Variants in SLC24A1 observed in about 807,000 individuals in gnomAD.
SLC24A1 encodes sodium/potassium/calcium exchanger 1.
SLC24A1 carries 52 observed loss-of-function variants against 88.1 expected under a neutral mutation model. The observed-to-expected ratio is 0.59, with a 90% CI of 0.47 to 0.74. SLC24A1 has a LOEUF of 0.74. Among genes scored for constraint, SLC24A1 ranks in the 30% least tolerant of loss-of-function variants. The pLI, the probability that SLC24A1 is intolerant of heterozygous loss-of-function variation, is 0.00. For synonymous variants in SLC24A1, 455 were observed against 498.0 expected, an observed-to-expected ratio of 0.91 and a Z score of 1.15; for missense variants, 1,173 against 1,363.3, an observed-to-expected ratio of 0.86 and a Z score of 2.20.
At chr15:65,641,906 GA>G (rs1260976756) in intron 4 of SLC24A1, among the ~76,000 whole-genome samples, 1 of 152,272 alleles carries the variant, frequency 6.6e-6, no homozygotes, top group African/African-American at 2.4e-5. Flanking sequence ...GGTCAGAGGA[GA>G]TTGATGCTAA....
At chr15:65,658,953 C>A (rs1007446823), downstream of SLC24A1, among the ~76,000 whole-genome samples, 2 of 151,836 alleles carry the variant, frequency 1.3e-5, no homozygotes, top group Non-Finnish European at 2.9e-5. Flanking sequence ...TAGAGCAAAA[C>A]AGAAATCCAA....
Position 65,625,077 on chromosome 15 carries a change from C to G in SLC24A1, c.997C>G (p.Pro333Ala). Residue 333 changes from proline to alanine, a missense_variant, in exon 2 of 10, where the codon CCA (proline) becomes GCA (alanine). Coordinates refer to ENST00000261892, the MANE Select transcript of SLC24A1 (RefSeq NM_004727.3). The part of the protein sequence containing the change: ...VTISTMTGSS[P>A]AETKAFTAAW... ...AATAAGCACCATGACAGGCAGCAGC[C>G]CAGCAGAAACCAAAGCCTTCACTGC... 1.2e-6 allele frequency: 2 copies of G among 1,613,682 alleles called. No individual in the cohort carries two copies. Among genetic ancestry groups the G allele is most frequent in the Non-Finnish European group, 1.7e-6 (2 of 1,179,876 alleles).
chr15:65,640,136 T>C (rs2075076024), intron 4 of SLC24A1, among the ~76,000 whole-genome samples: 1 of 152,144 alleles, frequency 6.6e-6, no homozygotes, highest in Non-Finnish European at 1.5e-5. Flanking sequence ...CCTGGGCTGC[T>C]TCTGGGGACG....
intron 2 of SLC24A1, among the ~76,000 whole-genome samples, chr15:65,613,117 A>G (rs545559923): frequency 6.6e-6 from 1 of 152,310 alleles, no homozygotes; most frequent in Non-Finnish European, 1.5e-5. Flanking sequence ...TCTTTTCCCC[A>G]CTCAAACGAC....
chr15:65,635,363 C>A (rs544891053), intron 2 of SLC24A1, among the ~76,000 whole-genome samples: 148 of 147,468 alleles, frequency 1.0e-3, no homozygotes, highest in Non-Finnish European at 1.7e-3. Context: ...ACCTGTAGTC[C>A]CAGCTACTCG....
At position 65,625,362 on chromosome 15, in the gene SLC24A1, C is replaced by T. The variant is rs1328795362; in HGVS notation, c.1282C>T (p.Pro428Ser). 6.2e-7 allele frequency: 1 copy of T among 1,614,052 alleles called. No homozygotes were observed. Among genetic ancestry groups the T allele is most frequent in the Non-Finnish European group, 8.5e-7 (1 of 1,179,890 alleles). Reference sequence around the variant, plus strand: ...GCTCAGTCCTAGTCCCTCAGTGCTGCCTCCCAGCTTGCCAGACCTCCACCC... The same window carrying T: ...GCTCAGTCCTAGTCCCTCAGTGCTGTCTCCCAGCTTGCCAGACCTCCACCC... Reference protein sequence around the residue: ...EELSPSPSVLPPSLPDLHPKG... With the variant: ...EELSPSPSVLSPSLPDLHPKG... Residue 428 changes from proline to serine, a missense_variant, in exon 2 of 10, where the codon CCT becomes TCT. Physicochemically the swap from Pro to Ser is moderately conservative, Grantham distance 74. Coordinates refer to ENST00000261892, the MANE Select transcript of SLC24A1 (RefSeq NM_004727.3).
Position 65,645,705 on chromosome 15 carries a change from T to G in SLC24A1, c.2232+2T>G. 1 of 1,565,074 alleles carries G rather than the reference T, an allele frequency of 6.4e-7. No homozygotes were observed. Among genetic ancestry groups the G allele is most frequent in the Non-Finnish European group, 8.7e-7 (1 of 1,154,204 alleles). On this transcript the variant is annotated splice_donor_variant, in intron 6 of 9. Transcript: ENST00000261892. LOFTEE classifies it high-confidence loss of function. ...CAGAAGGAGAATCCAGGCGGTCAGG[T>G]AGGCACCCAGCCTTGGCACAGACAA...
rs759402955 is a variant in SLC24A1 at position 65,624,971 on chromosome 15, G to A, written c.891G>A (p.Gly297=). 9 of 1,608,660 alleles carry A rather than the reference G, an allele frequency of 5.6e-6. No homozygotes were observed. Among genetic ancestry groups the A allele is most frequent in the Non-Finnish European group, 7.6e-6 (9 of 1,177,318 alleles). Residue 297 remains glycine, a synonymous_variant, in exon 2 of 10, where the codon GGG becomes GGA. Transcript: ENST00000261892. The part of the protein sequence containing the change: ...VESNSSAHPW[G]LVGKSNPKTP... ...GTAACAGCTCAGCCCATCCCTGGGG[G>A]TTAGTGGGAAAGAGCAACCCGAAGA...
In SLC24A1 at chr15:65,645,785, GTCTGAA is replaced by G. The variant is rs1020182465; in HGVS notation, c.2232+83_2232+88del. 1.0e-5 allele frequency: 9 copies of G among 889,684 alleles called. No homozygotes were observed. In the Admixed American group the frequency reaches 1.9e-4, roughly 19 times the overall value. The allele number at this position is 889,684 out of a possible 1,614,324, so 55.1% of individuals were successfully genotyped here. A position where few individuals can be genotyped will look rare whatever the true frequency, so the allele number is the denominator to read the frequency against. On this transcript the variant is annotated intron_variant, in intron 6 of 9. Coordinates refer to ENST00000261892, the MANE Select transcript of SLC24A1 (RefSeq NM_004727.3). ...GACCAAAAATACATCCTCCCTGAAG[GTCTGAA>G]ATCCTATTTGAGGTTCATTCCTCTG...
At chr15:65,638,646 G>T (rs1005681336) in intron 3 of SLC24A1, among the ~76,000 whole-genome samples, 1 of 152,174 alleles carries the variant, frequency 6.6e-6, no homozygotes, top group Non-Finnish European at 1.5e-5. Flanking sequence ...TGTCTTAGCT[G>T]TTTATAGTCT....
chr15:65,639,691 C>T lies in SLC24A1; in HGVS notation c.2041C>T (p.Pro681Ser). Reference sequence around the variant, plus strand: ...CCAGCTCATGCTCCACAGCCTGGACCCCCTGAGGGAAGGTAAGCAAGGCCT... The same window carrying T: ...CCAGCTCATGCTCCACAGCCTGGACTCCCTGAGGGAAGGTAAGCAAGGCCT... ...IYQLMLHSLDPLREVRLAKEK... is the reference protein window; with the variant it reads ...IYQLMLHSLDSLREVRLAKEK... Residue 681 changes from proline (P) to serine (S), a missense_variant, in exon 4 of 10, where the codon CCC becomes TCC. Transcript: ENST00000261892. The T allele has an allele frequency of 6.2e-7, 1 of 1,610,558 alleles. No individual in the cohort carries two copies. The highest frequency in any genetic ancestry group is 8.5e-7 in the Non-Finnish European group (1 of 1,178,048).
chr15:65,617,990 C>CAG (rs1409141086), upstream of SLC24A1, among the ~76,000 whole-genome samples: 3 of 152,148 alleles, frequency 2.0e-5, no homozygotes, highest in Non-Finnish European at 2.9e-5. Flanking sequence ...TACAGGAGTG[C>CAG]ACCACTGCAT....
In SLC24A1 at chr15:65,650,518, AAGG is replaced by A. The variant is rs1196477285; in HGVS notation, c.2372_2374del (p.Gly791del). On this transcript the variant is annotated inframe_deletion, in exon 7 of 10. Coordinates refer to ENST00000261892, the MANE Select transcript of SLC24A1 (RefSeq NM_004727.3). This position sits in a 1 kb window ranked among gnomAD's most constrained non-coding sequence, Gnocchi z 4.1. ...GAAGGTGAAACTGAAACACAAGGAA[AAGG>A]AGAAGAATGTGAAGATGAAAATGAA... 3 of 1,551,878 alleles carry A rather than the reference AAGG, an allele frequency of 1.9e-6. No homozygotes were observed. The Admixed American group carries it at 5.9e-5, about 30-fold the overall frequency.
intron 6 of SLC24A1, among the ~76,000 whole-genome samples, chr15:65,647,986 TGCGGTGGCTCACGCCTGTAATCCC>T (rs1170674988): frequency 3.9e-5 from 6 of 152,052 alleles, no homozygotes. Flanking sequence ...CAGGGCCGGG[TGCGGTGGCTCACGCCTGTAATCCC>T]AGCACTTTGG....
Position 65,625,750 on chromosome 15 carries a change from C to G in SLC24A1, c.1670C>G (p.Pro557Arg), listed in dbSNP as rs780024106. 5 of 1,614,012 alleles carry G rather than the reference C, an allele frequency of 3.1e-6. No homozygotes were observed. The East Asian group carries it at 1.1e-4, about 36-fold the overall frequency. Reference sequence around the variant, plus strand: ...GAGATCCTCAACCTCACCTGGTGGCCCTTATTCCGTGATGTCTCCTTCTAC... The same window carrying G: ...GAGATCCTCAACCTCACCTGGTGGCGCTTATTCCGTGATGTCTCCTTCTAC... ...SREILNLTWW[P>R]LFRDVSFYIL... is the part of the protein sequence containing the mutation. Residue 557 changes from proline (P) to arginine (R), a missense_variant, in exon 2 of 10, where the codon CCC becomes CGC. Physicochemically the swap from Pro to Arg is moderately radical, Grantham distance 103. Transcript: ENST00000261892.
chr15:65,638,244 C>A, intron 3 of SLC24A1, 63 bp downstream of exon 3: 1 of 1,166,568 alleles, frequency 8.6e-7, no homozygotes, highest in Non-Finnish European at 1.3e-6. Flanking sequence ...TGATCACAGG[C>A]CCAGGGTATT....
chr15:65,612,082 A>G (rs1405478153), intron 1 of SLC24A1: 13 of 152,362 alleles, frequency 8.5e-5, no homozygotes, highest in African/African-American at 3.1e-4. Flanking sequence ...CCTGTAAGGC[A>G]ACATGGGCTC....
In SLC24A1 at chr15:65,651,882, T is replaced by C. The variant is rs563076503; in HGVS notation, c.2883+123T>C. 25 of 696,458 alleles carry C rather than the reference T, an allele frequency of 3.6e-5. No individual in the cohort carries two copies. In the East Asian group the frequency reaches 6.7e-4, roughly 19 times the overall value. The allele number at this position is 696,458 out of a possible 1,614,324, so 43.1% of individuals were successfully genotyped here. On this transcript the variant is annotated intron_variant, in intron 8 of 9. Transcript: ENST00000261892. The stretch of plus-strand genomic sequence containing the variant: ...GTGAATTCGTGCAGTTTCTATGTTG[T>C]TTGTAAAGGCTTAAAAGTAGACTTT...
At chr15:65,614,479 T>A (rs1269271157) in intron 2 of SLC24A1, among the ~76,000 whole-genome samples, 1 of 152,222 alleles carries the variant, frequency 6.6e-6, no homozygotes, top group Admixed American at 6.5e-5. Context: ...GATCCAGATA[T>A]TGAAATCCGT....
Sources: gnomAD v4.1 joint callset for allele counts (sites outside exome capture counted in the v4.1 genomes callset) on GRCh38, gnomAD v4.1.1 for gene constraint, Gnocchi (gnomAD v3.1) non-coding constraint, MANE v1.5 for transcripts, NCBI Gene and HGNC (gene_info 2026-07-23, HGNC 2026-07-21) for gene names.